APBA2: variants seen among roughly 807,000 people sequenced by gnomAD.
APBA2 encodes amyloid-beta A4 precursor protein-binding family A member 2.
APBA2 carries 30 observed loss-of-function variants against 75.0 expected under a neutral mutation model. That is an observed-to-expected ratio of 0.40 (90% CI 0.30 to 0.54). The LOEUF (loss-of-function observed/expected upper bound fraction) is 0.54. Ranked by LOEUF, APBA2 falls within the 20% of genes least tolerant of loss-of-function variation. The pLI is 0.49. For synonymous variants in APBA2, 444 were observed against 409.6 expected, an observed-to-expected ratio of 1.08 and a Z score of -1.01; for missense variants, 801 against 1,016.1, an observed-to-expected ratio of 0.79 and a Z score of 2.88.
intron 2 of APBA2, among the ~76,000 whole-genome samples, chr15:28,951,187 A>G (rs1183808691): frequency 6.6e-6 from 1 of 152,262 alleles, no homozygotes; most frequent in Non-Finnish European, 1.5e-5. Flanking sequence ...GGTATTATAA[A>G]TAATCTAGAA....
intron 9 of APBA2, among the ~76,000 whole-genome samples, chr15:29,099,510 C>T (rs1022267006): frequency 6.6e-6 from 1 of 152,192 alleles, no homozygotes; most frequent in Admixed American, 6.5e-5. Flanking sequence ...TCATAGGCAC[C>T]CTCTGCCTGG....
At chr15:29,035,944 C>T (rs1168592239) in intron 3 of APBA2, among the ~76,000 whole-genome samples, 6 of 151,942 alleles carry the variant, frequency 3.9e-5, no homozygotes, top group African/African-American at 1.2e-4. Context: ...CACCCCGGAG[C>T]GCCCCCCTAC....
intron 3 of APBA2, among the ~76,000 whole-genome samples, chr15:29,022,388 T>A (rs1028503123): frequency 1.1e-4 from 16 of 152,328 alleles, no homozygotes; most frequent in Non-Finnish European, 2.1e-4. Flanking sequence ...CCTTGATGAT[T>A]TTTTATTGTC....
intron 3 of APBA2, among the ~76,000 whole-genome samples, chr15:29,007,413 C>T (rs1286238533): frequency 6.6e-6 from 1 of 152,144 alleles, no homozygotes; most frequent in Non-Finnish European, 1.5e-5. Flanking sequence ...AAAACTTCCT[C>T]AAAGGACACA....
chr15:28,903,144 A>G (rs1052964016), intron 1 of APBA2, among the ~76,000 whole-genome samples: 9 of 152,326 alleles, frequency 5.9e-5, no homozygotes, highest in Admixed American at 5.2e-4. Flanking sequence ...TGCCGGCAGC[A>G]GTGTCCCTGG....
In APBA2 at chr15:29,035,266, C is replaced by T. The variant is rs547268688; in HGVS notation, c.-40-18579C>T. Among the ~76,000 whole-genome samples, 24 of 152,234 alleles carry T rather than the reference C, an allele frequency of 1.6e-4. No individual in the cohort carries two copies. In the East Asian group the frequency reaches 4.1e-3, roughly 26 times the overall value. ...GGCTTGCTACCGGGGCAGAGAACAT[C>T]GAATGATTGCAATCGTGGGGTCATT... On this transcript the variant is annotated intron_variant, in intron 3 of 14. Coordinates refer to ENST00000683413, the MANE Select transcript of APBA2 (RefSeq NM_001353788.2).
chr15:29,067,508 C>T (rs1009444937), intron 4 of APBA2, among the ~76,000 whole-genome samples: 4 of 152,134 alleles, frequency 2.6e-5, no homozygotes, highest in African/African-American at 9.7e-5. Flanking sequence ...GCCTCCCCTT[C>T]TCTCCTAGGT....
At chr15:28,949,961 A>G (rs2336911) in intron 2 of APBA2, among the ~76,000 whole-genome samples, 3 of 152,074 alleles carry the variant, frequency 2.0e-5, no homozygotes. Flanking sequence ...TCTGCAGTTT[A>G]TTCCAATTTC....
At chr15:28,987,834 G>A (rs985847708) in intron 2 of APBA2, among the ~76,000 whole-genome samples, 34 of 145,296 alleles carry the variant, frequency 2.3e-4, no homozygotes, top group African/African-American at 6.4e-4. Flanking sequence ...TCAGCTCACC[G>A]CAACCTCCGC....
At chr15:29,026,804 C>G (rs1316652270) in intron 3 of APBA2, among the ~76,000 whole-genome samples, 1 of 152,108 alleles carries the variant, frequency 6.6e-6, no homozygotes, top group Admixed American at 6.5e-5. Flanking sequence ...GCCCATACTC[C>G]CAGCTACTCA....
intron 3 of APBA2, among the ~76,000 whole-genome samples, chr15:29,024,661 G>A (rs2040125902): frequency 6.6e-6 from 1 of 152,216 alleles, no homozygotes; most frequent in Non-Finnish European, 1.5e-5. Flanking sequence ...AAAGGCTTGT[G>A]TGTTTTTGCT....
At chr15:28,909,974 G>A (rs968616535) in intron 1 of APBA2, among the ~76,000 whole-genome samples, 5 of 152,124 alleles carry the variant, frequency 3.3e-5, no homozygotes. Flanking sequence ...GGAGGTCGTG[G>A]CTTGCAAAAC....
rs549894231 is a variant in APBA2 at position 29,106,952 on chromosome 15, C to T, written c.1917+133C>T. On this transcript the variant is annotated intron_variant, in intron 12 of 14. Coordinates refer to ENST00000683413, the MANE Select transcript of APBA2 (RefSeq NM_001353788.2). ...GAAACTGAGGCCCAGGGAGACCCAC[C>T]CGGTGACTGGTCGATGATGGTATCA... The T allele has an allele frequency of 1.2e-3, 956 of 789,836 alleles. 5 individuals carry two copies. The highest frequency in any genetic ancestry group is 3.4e-3 in the South Asian group (204 of 60,142). 48.9% of individuals were successfully genotyped at this position (789,836 alleles called of 1,614,324 possible).
intron 3 of APBA2, among the ~76,000 whole-genome samples, chr15:29,025,724 G>A (rs1277367637): frequency 6.6e-6 from 1 of 151,874 alleles, no homozygotes; most frequent in African/African-American, 2.4e-5. Flanking sequence ...GGCCGAGGCG[G>A]GCAGATCACC....
chr15:28,904,088 T>C (rs191012238), intron 1 of APBA2, among the ~76,000 whole-genome samples: 34 of 152,346 alleles, frequency 2.2e-4, no homozygotes, highest in Non-Finnish European at 4.4e-5. Context: ...GAGAACACTT[T>C]TATTTAAAAA....
At chr15:28,956,474 C>T (rs72714188) in intron 2 of APBA2, among the ~76,000 whole-genome samples, 3,646 of 152,190 alleles carry the variant, frequency 0.024, 68 homozygotes, top group Non-Finnish European at 0.031. Flanking sequence ...TTCAGTCCCA[C>T]GTTTAGATAT....
chr15:29,080,578 T>C (rs540093397), intron 6 of APBA2, among the ~76,000 whole-genome samples: 5 of 152,210 alleles, frequency 3.3e-5, no homozygotes, highest in Non-Finnish European at 5.9e-5. Context: ...AACCTCCTTA[T>C]GAAAGTGCGG....
At chr15:28,923,858 G>A (rs148963244) in intron 2 of APBA2, among the ~76,000 whole-genome samples, 1 of 152,174 alleles carries the variant, frequency 6.6e-6, no homozygotes, top group Non-Finnish European at 1.5e-5. Flanking sequence ...GCATGAAAAG[G>A]CTTCTCTGCC....
At chr15:29,096,244 G>A (rs1001941630) in intron 8 of APBA2, among the ~76,000 whole-genome samples, 14 of 152,166 alleles carry the variant, frequency 9.2e-5, no homozygotes, top group Non-Finnish European at 1.9e-4. Context: ...TGTAGGATCC[G>A]TACTGTCGAC....
Sources: gnomAD v4.1 joint callset for allele counts (sites outside exome capture counted in the v4.1 genomes callset) on GRCh38, gnomAD v4.1.1 for gene constraint, MANE v1.5 for transcripts, NCBI Gene and HGNC (gene_info 2026-07-23, HGNC 2026-07-21) for gene names.